Variants in SMAP2 observed in about 807,000 individuals in gnomAD.
The protein encoded by SMAP2 is stromal membrane-associated protein 2.
SMAP2 carries 25 observed loss-of-function variants against 56.4 expected under a neutral mutation model. The observed-to-expected ratio is 0.44, with a 90% CI of 0.32 to 0.62. SMAP2 has a LOEUF of 0.62. SMAP2 is among the 20% of genes least tolerant of loss of function. The pLI is 0.04. For missense variants in SMAP2, 388 were observed against 545.6 expected (o/e 0.71, Z 2.88); for synonymous variants, 157 against 181.7 (o/e 0.86, Z 1.09).
At chr1:40,383,055 G>A (rs183249727) in intron 1 of SMAP2, among the ~76,000 whole-genome samples, 1 of 152,306 alleles carries the variant, frequency 6.6e-6, no homozygotes, top group African/African-American at 2.4e-5. Flanking sequence ...GCCACTGTTG[G>A]TCTTATAAGC....
At chr1:40,387,650 A>C (rs1644670748) in intron 1 of SMAP2, among the ~76,000 whole-genome samples, 1 of 152,144 alleles carries the variant, frequency 6.6e-6, no homozygotes, top group Non-Finnish European at 1.5e-5. Flanking sequence ...TACCACAGCA[A>C]GATGGGCCGG....
intron 1 of SMAP2, among the ~76,000 whole-genome samples, chr1:40,375,558 C>T (rs1258330948): frequency 6.6e-6 from 1 of 152,112 alleles, no homozygotes; most frequent in African/African-American, 2.4e-5. Context: ...AAACAAATTC[C>T]TAGACTTCTT....
chr1:40,395,201 A>C (rs975900648), intron 1 of SMAP2, among the ~76,000 whole-genome samples: 1 of 152,210 alleles, frequency 6.6e-6, no homozygotes, highest in African/African-American at 2.4e-5. Context: ...CAAAGCCAAC[A>C]AAGTCCAAAC....
chr1:40,403,326 C>T (rs918707171), intron 1 of SMAP2, among the ~76,000 whole-genome samples: 1 of 151,980 alleles, frequency 6.6e-6, no homozygotes, highest in Non-Finnish European at 1.5e-5. Flanking sequence ...GCCAACAAGG[C>T]GAAACCCCGT....
At chr1:40,354,463 C>A (rs923062393) in intron 1 of SMAP2, among the ~76,000 whole-genome samples, 1 of 149,838 alleles carries the variant, frequency 6.7e-6, no homozygotes, top group Non-Finnish European at 1.5e-5. Flanking sequence ...CTCAGTCTCC[C>A]GAGTAGCTGG....
intron 2 of SMAP2, 33 bp downstream of exon 2, chr1:40,406,902 A>C: frequency 6.3e-7 from 1 of 1,584,268 alleles, no homozygotes; most frequent in African/African-American, 1.3e-5. Flanking sequence ...AGCTGCTTCC[A>C]TATATCTATG....
At position 40,406,816 on chromosome 1, in the gene SMAP2, A is replaced by G. The variant is rs778839596; in HGVS notation, c.184A>G (p.Ile62Val). Residue 62 changes from isoleucine (I) to valine (V), a missense_variant, in exon 2 of 10, where the codon ATA becomes GTA. Ile to Val is a conservative substitution (Grantham distance 29). Transcript: ENST00000372718. ...AGIHRNLGVHISRVKSVNLDQ... is the reference protein window; with the variant it reads ...AGIHRNLGVHVSRVKSVNLDQ... ...AATCCACAGGAATCTGGGGGTGCAC[A>G]TATCCAGGGTAAAGTCAGTTAACCT... 3.7e-6 allele frequency: 6 copies of G among 1,614,048 alleles called. No individual in the cohort carries two copies. The highest frequency in any genetic ancestry group is 5.1e-6 in the Non-Finnish European group (6 of 1,180,004).
At chr1:40,351,852 G>A (rs1283974045) in intron 1 of SMAP2, among the ~76,000 whole-genome samples, 1 of 151,790 alleles carries the variant, frequency 6.6e-6, no homozygotes, top group Non-Finnish European at 1.5e-5. Flanking sequence ...TGGCCAGGCT[G>A]GTCTCGAACT....
chr1:40,374,215 A>G lies in SMAP2; in HGVS notation c.95A>G (p.Gln32Arg). Residue 32 changes from glutamine (Q) to arginine (R), a missense_variant, in exon 1 of 10, where the codon CAG becomes CGG. Gln to Arg is a conservative substitution (Grantham distance 43). Transcript: ENST00000372718. The surrounding 1 kb of genome is among the most constrained non-coding windows in gnomAD (Gnocchi z 5.9). ...EEDNKFCADC[Q>R]SKGPRWASWN... ...GATAACAAGTTTTGTGCAGATTGCC[A>G]GTCTAAAGGTAGCGCATCCCACCTG... 6.2e-7 allele frequency: 1 copy of G among 1,611,666 alleles called. No homozygotes were observed. Among genetic ancestry groups the G allele is most frequent in the Middle Eastern group, 1.7e-4 (1 of 6,056 alleles).
rs1157746265 is a variant in SMAP2, at chr1:40,416,324, C to T, written c.830C>T (p.Pro277Leu). The change falls in exon 8 of 10, where the codon CCT (proline) becomes CTT (leucine). Residue 277 changes from proline to leucine, a missense_variant. By Grantham distance (98) the Pro-to-Leu change is moderately conservative. Coordinates refer to ENST00000372718, the MANE Select transcript of SMAP2 (RefSeq NM_022733.3). ...CTTTCACTGTATGGATCCCAGACGC[C>T]TCAAATGCCTACTCAAGGTAGATTT... is the stretch of plus-strand genomic sequence containing the variant. ...SILSLYGSQT[P>L]QMPTQAMFMA... 1.2e-6 allele frequency: 2 copies of T among 1,613,680 alleles called. No homozygotes were observed. The highest frequency in any genetic ancestry group is 3.3e-5 in the Admixed American group (2 of 59,916).
intron 1 of SMAP2, among the ~76,000 whole-genome samples, chr1:40,351,809 A>G (rs773949870): frequency 8.6e-5 from 13 of 151,298 alleles, no homozygotes; most frequent in Non-Finnish European, 1.5e-4. Flanking sequence ...GCCTATTTTA[A>G]TTTTTTTTAA....
chr1:40,410,140 G>A (rs1250835860), intron 4 of SMAP2, among the ~76,000 whole-genome samples: 1 of 152,054 alleles, frequency 6.6e-6, no homozygotes, highest in Non-Finnish European at 1.5e-5. Context: ...CAGCTACTTG[G>A]GAGGCTGAGG....
At chr1:40,415,077 A>G (rs1644973783) in intron 6 of SMAP2, among the ~76,000 whole-genome samples, 195 bp from the exon 7 acceptor site, 1 of 152,198 alleles carries the variant, frequency 6.6e-6, no homozygotes, top group Admixed American at 6.5e-5. Flanking sequence ...TAGCTGGGCT[A>G]CAGGCTTCCC....
Position 40,422,063 on chromosome 1 carries a change from G to A in SMAP2, c.1252G>A (p.Ala418Thr). The A allele has an allele frequency of 6.2e-7, 1 of 1,614,170 alleles. No individual in the cohort carries two copies. Residue 418 changes from alanine to threonine, a missense_variant, in exon 10 of 10, where the codon GCA (alanine) becomes ACA (threonine). Physicochemically the swap from Ala to Thr is moderately conservative, Grantham distance 58. Transcript: ENST00000372718. ...GQSMSGGNGQAANQTLSPQMW... is the reference protein window; with the variant it reads ...GQSMSGGNGQTANQTLSPQMW... ...GTCAATGAGTGGCGGAAATGGACAG[G>A]CAGCAAATCAGACTCTCAGTCCTCA...
intron 1 of SMAP2, among the ~76,000 whole-genome samples, chr1:40,402,036 G>A (rs1240021475): frequency 6.6e-6 from 1 of 152,146 alleles, no homozygotes; most frequent in Non-Finnish European, 1.5e-5. Flanking sequence ...GTGTTGTGCC[G>A]ATCACTACCA....
intron 1 of SMAP2, among the ~76,000 whole-genome samples, chr1:40,357,081 A>G (rs1644439233): frequency 6.6e-6 from 1 of 152,174 alleles, no homozygotes; most frequent in African/African-American, 2.4e-5. Flanking sequence ...TTGTCAGATG[A>G]ATGGTTTGCA....
intron 9 of SMAP2, among the ~76,000 whole-genome samples, chr1:40,417,631 T>C (rs572812592): frequency 1.3e-5 from 2 of 152,142 alleles, no homozygotes; most frequent in Admixed American, 6.5e-5. Flanking sequence ...AGATTAGAAC[T>C]CTGTTTACTT....
At chr1:40,372,590 C>T (rs1024994905), upstream of SMAP2, among the ~76,000 whole-genome samples, 16 of 152,068 alleles carry the variant, frequency 1.1e-4, no homozygotes, top group Admixed American at 6.6e-5. Context: ...AGAGGCTTAG[C>T]CAGAAAATTT....
intron 2 of SMAP2, among the ~76,000 whole-genome samples, chr1:40,363,406 C>T (rs891275484): frequency 5.3e-5 from 8 of 151,880 alleles, no homozygotes; most frequent in Non-Finnish European, 8.8e-5. Flanking sequence ...CCAGTGTGGG[C>T]AGAGATGGGG....
Sources: gnomAD v4.1 joint callset for allele counts (sites outside exome capture counted in the v4.1 genomes callset) on GRCh38, gnomAD v4.1.1 for gene constraint, Gnocchi (gnomAD v3.1) non-coding constraint, MANE v1.5 for transcripts, NCBI Gene and HGNC (gene_info 2026-07-23, HGNC 2026-07-21) for gene names.